Variants in CCM2 observed in about 807,000 individuals in gnomAD.
CCM2 encodes CCM2 scaffold protein.
CCM2 carries 25 observed loss-of-function variants against 44.9 expected under a neutral mutation model. That is an observed-to-expected ratio of 0.56 (90% confidence interval 0.41 to 0.78). CCM2 has a LOEUF of 0.78. CCM2 is among the 30% of genes least tolerant of loss of function. The pLI is 0.00. For synonymous variants in CCM2, 219 were observed against 241.1 expected, an observed-to-expected ratio of 0.91 and a Z score of 0.85; for missense variants, 481 against 580.6, an observed-to-expected ratio of 0.83 and a Z score of 1.76.
chr7:45,050,729 T>G (rs1797963728), intron 2 of CCM2, among the ~76,000 whole-genome samples: 1 of 152,232 alleles, frequency 6.6e-6, no homozygotes, highest in Non-Finnish European at 1.5e-5. Context: ...TTGCAGTAGC[T>G]CTCAGTGTGT....
intron 2 of CCM2, among the ~76,000 whole-genome samples, chr7:45,049,641 G>A (rs927242240): frequency 1.8e-4 from 27 of 152,132 alleles, no homozygotes; most frequent in Middle Eastern, 3.2e-3. Flanking sequence ...CAACTGTTAT[G>A]TATGTTTTAC....
intron 1 of CCM2, among the ~76,000 whole-genome samples, chr7:45,024,338 C>T (rs1796604266): frequency 6.6e-6 from 1 of 152,204 alleles, no homozygotes; most frequent in Non-Finnish European, 1.5e-5. Flanking sequence ...ATGTCCAGGC[C>T]AGCCCTTAGT....
At chr7:45,039,425 A>G (rs1298023139) in intron 2 of CCM2, among the ~76,000 whole-genome samples, 1 of 152,178 alleles carries the variant, frequency 6.6e-6, no homozygotes, top group African/African-American at 2.4e-5. Flanking sequence ...GGTTTACCCA[A>G]CCAACCAGCC....
chr7:45,068,819 TG>T (rs1388380956), intron 5 of CCM2, among the ~76,000 whole-genome samples: 1 of 152,144 alleles, frequency 6.6e-6, no homozygotes, highest in Non-Finnish European at 1.5e-5. Flanking sequence ...TGCGCATGAC[TG>T]CATCCCAGGT....
chr7:45,064,087 G>A, intron 3 of CCM2, 86 bp downstream of exon 3: 1 of 904,604 alleles, frequency 1.1e-6, no homozygotes, highest in Non-Finnish European at 1.8e-6. Context: ...TGGCTGTGAG[G>A]AATGAGCCAG....
At chr7:45,011,951 C>G (rs761873963) in intron 1 of CCM2, among the ~76,000 whole-genome samples, 26 of 152,118 alleles carry the variant, frequency 1.7e-4, no homozygotes, top group Admixed American at 4.6e-4. Flanking sequence ...CTTGGCCTCC[C>G]AAAGTGCTGG....
At chr7:45,027,046 AG>A in intron 1 of CCM2, 1 of 156,194 alleles carries the variant, frequency 6.4e-6, no homozygotes, top group Non-Finnish European at 1.4e-5. Flanking sequence ...GCTTGGCCAG[AG>A]GCACGCTGTT....
At chr7:45,063,735 A>G (rs1798631014) in intron 2 of CCM2, among the ~76,000 whole-genome samples, 183 bp from the exon 3 acceptor site, 1 of 152,084 alleles carries the variant, frequency 6.6e-6, no homozygotes, top group Admixed American at 6.6e-5. Flanking sequence ...CTCAGCCAGT[A>G]GAGATTTCTG....
chr7:45,010,837 A>G (rs1796038712), intron 1 of CCM2, among the ~76,000 whole-genome samples: 1 of 152,110 alleles, frequency 6.6e-6, no homozygotes, highest in Admixed American at 6.5e-5. Context: ...ACCTCAGGTG[A>G]TACACTTGCC....
Position 45,000,369 on chromosome 7 carries a change from C to T in CCM2, c.30+6C>T, listed in dbSNP as rs763210611. 35 of 1,292,222 alleles carry T rather than the reference C, an allele frequency of 2.7e-5. No homozygotes were observed. The highest frequency in any genetic ancestry group is 1.1e-5 in the Non-Finnish European group (11 of 1,012,292). 80.0% of individuals were successfully genotyped at this position (1,292,222 alleles called of 1,614,324 possible). A position where few individuals can be genotyped will look rare whatever the true frequency, so the allele number is the denominator to read the frequency against. On this transcript the variant is annotated splice_donor_region_variant and intron_variant, in intron 1 of 9. Transcript: ENST00000258781. ...AGGGCAAGAAGGGCAAGAAGGTGAG[C>T]GTGCGCGGGGGCGTCCTACTGCTGT...
intron 1 of CCM2, among the ~76,000 whole-genome samples, chr7:45,000,685 G>C (rs1795575277): frequency 1.3e-5 from 2 of 152,270 alleles, no homozygotes; most frequent in South Asian, 4.1e-4. Flanking sequence ...TCCAGGGCTG[G>C]AACTGGAGCT....
chr7:45,075,625 G>C, intron 9 of CCM2, 152 bp from the exon 10 acceptor site: 2 of 917,030 alleles, frequency 2.2e-6, no homozygotes, highest in Admixed American at 3.6e-5. Flanking sequence ...ATTTCAACCA[G>C]GATGCTAGAT....
intron 2 of CCM2, among the ~76,000 whole-genome samples, chr7:45,042,169 G>A (rs148449591): frequency 1.1e-3 from 168 of 149,394 alleles, no homozygotes; most frequent in Non-Finnish European, 2.1e-3. Flanking sequence ...AGGAGGCTGA[G>A]GCAGGAGTAT....
intron 1 of CCM2, among the ~76,000 whole-genome samples, chr7:45,037,501 T>A (rs914908166): frequency 7.0e-6 from 1 of 143,630 alleles, no homozygotes; most frequent in African/African-American, 2.5e-5. Flanking sequence ...CACTGCAATC[T>A]CCGCCTCCTG....
chr7:45,028,186 G>C (rs2128722252), intron 1 of CCM2, among the ~76,000 whole-genome samples: 1 of 152,336 alleles, frequency 6.6e-6, no homozygotes, highest in Non-Finnish European at 1.5e-5. Context: ...AAGCAAGAGA[G>C]CACCCAAAGC....
chr7:45,062,027 A>G (rs143910687), intron 2 of CCM2, among the ~76,000 whole-genome samples: 149 of 152,276 alleles, frequency 9.8e-4, no homozygotes, highest in Non-Finnish European at 1.8e-3. Flanking sequence ...CTGCCCCGCA[A>G]TGAGCTGTGA....
intron 2 of CCM2, among the ~76,000 whole-genome samples, chr7:45,049,293 G>A (rs1009034642): frequency 3.3e-5 from 5 of 152,114 alleles, no homozygotes; most frequent in African/African-American, 9.7e-5. Flanking sequence ...TGTAATTTAT[G>A]TACATGGTTC....
chr7:45,059,860 C>T (rs1250682732), intron 2 of CCM2, among the ~76,000 whole-genome samples: 1 of 152,192 alleles, frequency 6.6e-6, no homozygotes, highest in African/African-American at 2.4e-5. Context: ...ACAGGTAGTG[C>T]AAATACCTTG....
intron 2 of CCM2, among the ~76,000 whole-genome samples, chr7:45,063,483 A>T (rs1798620854): frequency 1.3e-5 from 2 of 152,114 alleles, no homozygotes; most frequent in South Asian, 4.1e-4. Context: ...TTCTCTATTT[A>T]TGCTCATTTC....
Sources: allele counts gnomAD v4.1 joint callset (sites outside exome capture counted in the v4.1 genomes callset), GRCh38; gene constraint gnomAD v4.1.1; transcripts MANE v1.5; gene names NCBI Gene and HGNC (gene_info 2026-07-23, HGNC 2026-07-21).